The following VPS13B variants were observed in gnomAD, a reference collection of about 807,000 sequenced individuals.
VPS13B encodes the protein vacuolar protein sorting 13 homolog B, also known as intermembrane lipid transfer protein VPS13B.
A neutral mutation model predicts 426.4 loss-of-function variants in VPS13B; 285 were observed. That is an observed-to-expected ratio of 0.67 (90% CI 0.61 to 0.74). The LOEUF (loss-of-function observed/expected upper bound fraction) is 0.74, where lower values mean the gene tolerates loss of function less well. Ranked by LOEUF, VPS13B falls within the 30% of genes least tolerant of loss-of-function variation. The probability of loss-of-function intolerance (pLI) is 0.00; values close to 1 mark genes in which losing one functional copy is unlikely to be tolerated. For missense variants in VPS13B, 4,537 were observed against 4,782.6 expected (o/e 0.95, Z 1.51); for synonymous variants, 1,676 against 1,676.4 (o/e 1.00, Z 0.01).
At chr8:99,483,709 A>G (rs1820160689) in intron 25 of VPS13B, among the ~76,000 whole-genome samples, 1 of 152,164 alleles carries the variant, frequency 6.6e-6, no homozygotes, top group Non-Finnish European at 1.5e-5. Context: ...AGGAATGTCT[A>G]GAAAAACATG....
chr8:99,585,226 A>G (rs1252524962), intron 33 of VPS13B, among the ~76,000 whole-genome samples: 1 of 152,192 alleles, frequency 6.6e-6, no homozygotes, highest in Non-Finnish European at 1.5e-5. Flanking sequence ...ATAATGGAAG[A>G]TACACTAAGA....
intron 33 of VPS13B, among the ~76,000 whole-genome samples, chr8:99,582,897 C>T (rs574301564): frequency 5.9e-5 from 9 of 152,236 alleles, no homozygotes; most frequent in South Asian, 2.1e-4. Flanking sequence ...CCTGGTGATC[C>T]GCCTGCCTTG....
chr8:99,038,654 A>C, intron 3 of VPS13B, 88 bp downstream of exon 3: 1 of 971,188 alleles, frequency 1.0e-6, no homozygotes, highest in South Asian at 1.4e-5. Flanking sequence ...GCCAACTGTT[A>C]CATAAACATA....
chr8:99,029,071 G>A (rs1490670682), intron 2 of VPS13B, among the ~76,000 whole-genome samples: 1 of 150,976 alleles, frequency 6.6e-6, no homozygotes. Flanking sequence ...CGGGGCGGCC[G>A]GGCAGAGACG....
chr8:99,744,442 C>A (rs1169160940), intron 39 of VPS13B, among the ~76,000 whole-genome samples: 1 of 152,152 alleles, frequency 6.6e-6, no homozygotes, highest in African/African-American at 2.4e-5. Flanking sequence ...ACTAGAAATA[C>A]CATTTGACCC....
chr8:99,240,768 C>G (rs572345105), intron 17 of VPS13B: 5 of 152,634 alleles, frequency 3.3e-5, no homozygotes, highest in African/African-American at 1.2e-4. Context: ...TAAAATGACA[C>G]AATCTACTAG....
intron 3 of VPS13B, among the ~76,000 whole-genome samples, chr8:99,054,737 T>C (rs569299825): frequency 6.6e-6 from 1 of 152,340 alleles, no homozygotes; most frequent in Admixed American, 6.5e-5. Context: ...AAATTTTGTA[T>C]ATGGAATGAT....
chr8:99,590,846 T>C (rs1165374785), intron 33 of VPS13B, among the ~76,000 whole-genome samples: 3 of 152,164 alleles, frequency 2.0e-5, no homozygotes, highest in Non-Finnish European at 4.4e-5. Flanking sequence ...TAGATGTCTA[T>C]TAGGTCTGCT....
At chr8:99,754,563 G>A (rs1430485926) in intron 39 of VPS13B, among the ~76,000 whole-genome samples, 2 of 152,208 alleles carry the variant, frequency 1.3e-5, no homozygotes, top group African/African-American at 2.4e-5. Flanking sequence ...CTCTAGATAA[G>A]GACTGTCTCT....
At chr8:99,748,682 C>T (rs16897656) in intron 39 of VPS13B, among the ~76,000 whole-genome samples, 1 of 151,930 alleles carries the variant, frequency 6.6e-6, no homozygotes, top group Non-Finnish European at 1.5e-5. Flanking sequence ...GTGCTTGACT[C>T]CTTTTTTTTG....
chr8:99,574,938 A>T (rs1353530118), intron 31 of VPS13B, among the ~76,000 whole-genome samples: 1 of 152,152 alleles, frequency 6.6e-6, no homozygotes, highest in East Asian at 1.9e-4. Flanking sequence ...CCTAGGCAGG[A>T]GAATTGCTTG....
chr8:99,850,469 G>A (rs188847851), intron 55 of VPS13B, among the ~76,000 whole-genome samples: 1 of 152,052 alleles, frequency 6.6e-6, no homozygotes, highest in Admixed American at 6.5e-5. Flanking sequence ...CTCAAAATTG[G>A]TAACAGATGT....
At chr8:99,049,145 C>T (rs950314886) in intron 3 of VPS13B, among the ~76,000 whole-genome samples, 5 of 151,584 alleles carry the variant, frequency 3.3e-5, no homozygotes, top group Non-Finnish European at 5.9e-5. Context: ...GCTTTTAGGC[C>T]ATTTACATTC....
In VPS13B at chr8:99,121,185, G is replaced by C. The variant is rs781089780; in HGVS notation, c.946G>C (p.Asp316His). ...TTAATTTTAATTGATAGGTTCTGAA[G>C]ATGAAACAAGAATAGATATGCAATA... ...DMLGNITGSE[D>H]ETRIDMQYPA... The change falls in exon 8 of 62, where the codon GAT becomes CAT. Residue 316 changes from aspartate to histidine, a missense_variant. By Grantham distance (81) the Asp-to-His change is moderately conservative. Coordinates refer to ENST00000357162, the MANE Select transcript of VPS13B (RefSeq NM_152564.5). 6.2e-7 allele frequency: 1 copy of C among 1,613,308 alleles called. No individual in the cohort carries two copies. Among genetic ancestry groups the C allele is most frequent in the South Asian group, 1.1e-5 (1 of 90,974 alleles).
intron 43 of VPS13B, among the ~76,000 whole-genome samples, chr8:99,787,249 T>A (rs1394020652): frequency 1.3e-5 from 2 of 151,824 alleles, no homozygotes; most frequent in South Asian, 4.2e-4. Flanking sequence ...ACACAAGAGG[T>A]TGCTAACAAC....
chr8:99,663,560 A>G (rs1283337164), intron 35 of VPS13B, among the ~76,000 whole-genome samples: 2 of 152,200 alleles, frequency 1.3e-5, no homozygotes, highest in African/African-American at 4.8e-5. Flanking sequence ...AACATTCTAT[A>G]TGCCACTAAA....
intron 56 of VPS13B, among the ~76,000 whole-genome samples, chr8:99,858,246 C>T (rs190214855): frequency 6.6e-6 from 1 of 152,228 alleles, no homozygotes; most frequent in Non-Finnish European, 1.5e-5. Flanking sequence ...CTTGCCCCTC[C>T]AATTCTTGGG....
intron 23 of VPS13B, among the ~76,000 whole-genome samples, chr8:99,444,683 AT>A (rs1817828676): frequency 6.6e-6 from 1 of 151,464 alleles, no homozygotes; most frequent in Non-Finnish European, 1.5e-5. Flanking sequence ...TTATTTATTT[AT>A]TTTTTTGGAT....
intron 21 of VPS13B, among the ~76,000 whole-genome samples, chr8:99,406,020 C>A (rs1052949593): frequency 9.2e-5 from 14 of 152,114 alleles, no homozygotes; most frequent in African/African-American, 3.4e-4. Flanking sequence ...CCTTGTAATC[C>A]ACCCAACTCA....
Sources: gnomAD v4.1 joint callset for allele counts (sites outside exome capture counted in the v4.1 genomes callset) on GRCh38, gnomAD v4.1.1 for gene constraint, MANE v1.5 for transcripts, NCBI Gene and HGNC (gene_info 2026-07-23, HGNC 2026-07-21) for gene names.